The following IL1RAPL1 variants were observed in gnomAD, a reference collection of about 807,000 sequenced individuals.
IL1RAPL1 encodes interleukin 1 receptor accessory protein like 1.
IL1RAPL1 carries 3 observed loss-of-function variants against 48.4 expected under a neutral mutation model. That is an observed-to-expected ratio of 0.06 (90% CI 0.03 to 0.16). The LOEUF is 0.16. Ranked by LOEUF, IL1RAPL1 falls within the 10% of genes least tolerant of loss-of-function variation. IL1RAPL1 has a pLI of 1.00. For missense variants in IL1RAPL1, 349 were observed against 530.6 expected (o/e 0.66, Z 3.36); for synonymous variants, 185 against 187.7 (o/e 0.99, Z 0.12).
In IL1RAPL1 at chrX:28,656,958, C is replaced by T. The variant is rs1266457938; in HGVS notation, c.-25+68911C>T. On this transcript the variant is annotated intron_variant, in intron 1 of 10. Coordinates refer to ENST00000378993, the MANE Select transcript of IL1RAPL1 (RefSeq NM_014271.4). ...GGAGAATGGCATGAACCCCGGGAGGCGGAGCTTGCAGTGAGCTGAGATCGC... is the reference window on the plus strand; with the variant it reads ...GGAGAATGGCATGAACCCCGGGAGGTGGAGCTTGCAGTGAGCTGAGATCGC... 9.9e-5 allele frequency among the ~76,000 whole-genome samples: 10 copies of T among 101,120 alleles called. No individual in the cohort carries two copies. The South Asian group carries it at 2.0e-3, about 20-fold the overall frequency. The allele number at this position is 101,120 out of a possible 115,157, so 87.8% of individuals were successfully genotyped here. A position where few individuals can be genotyped will look rare whatever the true frequency, so the allele number is the denominator to read the frequency against.
intron 2 of IL1RAPL1, among the ~76,000 whole-genome samples, chrX:28,923,403 A>G (rs943565310): frequency 9.1e-6 from 1 of 110,240 alleles, no homozygotes; most frequent in African/African-American, 3.3e-5. Flanking sequence ...TCGAACTCCC[A>G]ACCTCAGGTA....
At chrX:29,800,233 T>C (rs1929842042) in intron 6 of IL1RAPL1, among the ~76,000 whole-genome samples, 2 of 111,025 alleles carry the variant, frequency 1.8e-5, no homozygotes, top group Admixed American at 1.9e-4. Context: ...TCCCTCTGTT[T>C]CAGGTGCCTT....
chrX:29,109,991 C>A (rs1031687122), intron 2 of IL1RAPL1, among the ~76,000 whole-genome samples: 3 of 111,937 alleles, frequency 2.7e-5, no homozygotes, highest in Non-Finnish European at 5.6e-5. Flanking sequence ...CTAAGATGTA[C>A]CTTTAAGCAA....
At chrX:28,930,547 A>G (rs1923851529) in intron 2 of IL1RAPL1, among the ~76,000 whole-genome samples, 1 of 112,559 alleles carries the variant, frequency 8.9e-6, no homozygotes, top group African/African-American at 3.2e-5. Context: ...GCTTTAACTC[A>G]TTTCTAAAAA....
At chrX:28,612,555 A>G (rs1934162758) in intron 1 of IL1RAPL1, among the ~76,000 whole-genome samples, 1 of 112,133 alleles carries the variant, frequency 8.9e-6, no homozygotes, top group Non-Finnish European at 1.9e-5. Context: ...AGGGAGGGGC[A>G]GGAAACAGGT....
chrX:29,324,886 T>G (rs896288743), intron 3 of IL1RAPL1, among the ~76,000 whole-genome samples: 1 of 111,874 alleles, frequency 8.9e-6, no homozygotes. Context: ...ATACTTTAGA[T>G]TTGTGAAATT....
chrX:29,521,582 C>G (rs766846438), intron 5 of IL1RAPL1, among the ~76,000 whole-genome samples: 2 of 112,554 alleles, frequency 1.8e-5, no homozygotes, highest in Non-Finnish European at 3.8e-5. Context: ...CAGAATCCTG[C>G]TTGCATGCCT....
chrX:28,736,414 A>G (rs1006184223), intron 1 of IL1RAPL1, among the ~76,000 whole-genome samples: 1 of 92,071 alleles, frequency 1.1e-5, no homozygotes, highest in Non-Finnish European at 2.2e-5. Flanking sequence ...AGACCGGGCA[A>G]TAGTGTGAGA....
In IL1RAPL1 at chrX:29,070,616, G is replaced by T. The variant is rs1280575277; in HGVS notation, c.83-212322G>T. 4.5e-5 allele frequency among the ~76,000 whole-genome samples: 5 copies of T among 111,331 alleles called. No homozygotes were observed. In the East Asian group the frequency reaches 1.4e-3, roughly 31 times the overall value. On this transcript the variant is annotated intron_variant, in intron 2 of 10. Coordinates refer to ENST00000378993, the MANE Select transcript of IL1RAPL1 (RefSeq NM_014271.4). The stretch of plus-strand genomic sequence containing the variant: ...TCATTGCCCAAACCTGATACATCAT[G>T]CACCAAAATTAGGAAGTTGACACAA...
At chrX:28,638,397 G>A (rs763267229) in intron 1 of IL1RAPL1, among the ~76,000 whole-genome samples, 1 of 110,596 alleles carries the variant, frequency 9.0e-6, no homozygotes, top group South Asian at 3.8e-4. Context: ...CTTCCCAAGA[G>A]CATTTTCATG....
chrX:29,859,799 T>A (rs999583368), intron 6 of IL1RAPL1, among the ~76,000 whole-genome samples: 1 of 111,852 alleles, frequency 8.9e-6, no homozygotes, highest in Non-Finnish European at 1.9e-5. Flanking sequence ...AATAAATACT[T>A]ACACAGAAAG....
chrX:29,121,686 T>C (rs1380332850), intron 2 of IL1RAPL1, among the ~76,000 whole-genome samples: 1 of 112,025 alleles, frequency 8.9e-6, no homozygotes, highest in Non-Finnish European at 1.9e-5. Context: ...AGGACTCATG[T>C]GATTCAGTTG....
chrX:28,829,198 A>G (rs759410240), intron 2 of IL1RAPL1, among the ~76,000 whole-genome samples: 2 of 111,879 alleles, frequency 1.8e-5, no homozygotes, highest in Admixed American at 9.5e-5. Context: ...TGAATGCTGT[A>G]TCCTTGCTGA....
At position 29,695,811 on chromosome X, in the gene IL1RAPL1, A is replaced by C. The variant is rs1390755068; in HGVS notation, c.778+27307A>C. Among the ~76,000 whole-genome samples, 3 of 111,415 alleles carry C rather than the reference A, an allele frequency of 2.7e-5. No homozygotes were observed. The Admixed American group carries it at 2.9e-4, about 11-fold the overall frequency. ...AACATTCACTCCTCAGCAATGGGGT[A>C]CCGAGAGCAGCATCACATGTGGGAC... is the stretch of plus-strand genomic sequence containing the variant. On this transcript the variant is annotated intron_variant, in intron 6 of 10. Coordinates refer to ENST00000378993, the MANE Select transcript of IL1RAPL1 (RefSeq NM_014271.4).
chrX:29,680,627 C>T (rs761665593), intron 6 of IL1RAPL1, among the ~76,000 whole-genome samples: 1 of 111,653 alleles, frequency 9.0e-6, no homozygotes, highest in African/African-American at 3.3e-5. Context: ...ATTATGGAGT[C>T]CATCTTTTCA....
At chrX:29,655,374 AT>A (rs780294155) in intron 5 of IL1RAPL1, among the ~76,000 whole-genome samples, 69 of 111,991 alleles carry the variant, frequency 6.2e-4, no homozygotes, top group Non-Finnish European at 1.3e-3. Context: ...TGAAAAAGCA[AT>A]CTACAGGCTG....
intron 6 of IL1RAPL1, among the ~76,000 whole-genome samples, chrX:29,826,676 G>C (rs1930746509): frequency 1.8e-5 from 2 of 111,464 alleles, no homozygotes; most frequent in Non-Finnish European, 1.9e-5. Flanking sequence ...CTTAGCATAA[G>C]GTTTTCAAGA....
At chrX:28,758,634 CAG>C (rs779212138) in intron 1 of IL1RAPL1, among the ~76,000 whole-genome samples, 125 of 111,431 alleles carry the variant, frequency 1.1e-3, no homozygotes, top group African/African-American at 3.9e-3. Context: ...GATTTAGAGA[CAG>C]AGGTTCTCAA....
intron 8 of IL1RAPL1, among the ~76,000 whole-genome samples, chrX:29,931,847 G>A (rs1020644291): frequency 1.2e-4 from 14 of 112,030 alleles, no homozygotes; most frequent in African/African-American, 4.5e-4. Flanking sequence ...GAGTAAAATG[G>A]CAATGCCACC....
Sources: allele counts gnomAD v4.1 joint callset (sites outside exome capture counted in the v4.1 genomes callset), GRCh38; gene constraint gnomAD v4.1.1; transcripts MANE v1.5; gene names NCBI Gene and HGNC (gene_info 2026-07-23, HGNC 2026-07-21).